Variants in SLF1 observed in about 807,000 individuals in gnomAD.
SLF1 encodes SMC5/6 complex localization factor 1.
In SLF1, 105 loss-of-function variants were observed where a neutral mutation model predicts 123.0. That is an observed-to-expected ratio of 0.85 (90% confidence interval 0.73 to 1.00). The LOEUF is 1.00. Among genes scored for constraint, SLF1 ranks in the 50% least tolerant of loss-of-function variants. The pLI is 0.00. For missense variants in SLF1, 1,239 were observed against 1,223.0 expected (o/e 1.01, Z -0.20); for synonymous variants, 434 against 406.6 (o/e 1.07, Z -0.81).
At chr5:94,637,457 C>CTCAGTA (rs1464473368) in intron 4 of SLF1, among the ~76,000 whole-genome samples, 5 of 152,060 alleles carry the variant, frequency 3.3e-5, no homozygotes, top group Admixed American at 1.3e-4. Context: ...TTGGGCCAGG[C>CTCAGTA]TCAGGGTGTA....
intron 14 of SLF1, among the ~76,000 whole-genome samples, chr5:94,673,159 T>A (rs1177843835): frequency 6.6e-6 from 1 of 152,046 alleles, no homozygotes; most frequent in Non-Finnish European, 1.5e-5. Flanking sequence ...TTTTTTTTTT[T>A]AATCTTTTCT....
intron 5 of SLF1, among the ~76,000 whole-genome samples, chr5:94,647,653 G>A (rs919551485): frequency 3.3e-5 from 5 of 152,064 alleles, no homozygotes; most frequent in East Asian, 1.9e-4. Flanking sequence ...TGCCTAGTAC[G>A]TAAGTTGACA....
chr5:94,634,761 G>C (rs1745566630), intron 4 of SLF1, among the ~76,000 whole-genome samples: 1 of 152,088 alleles, frequency 6.6e-6, no homozygotes, highest in Non-Finnish European at 1.5e-5. Flanking sequence ...TAAGCATTCT[G>C]ACAGAACTGA....
chr5:94,650,215 A>G (rs543832375), intron 6 of SLF1, among the ~76,000 whole-genome samples: 84 of 152,298 alleles, frequency 5.5e-4, no homozygotes, highest in African/African-American at 1.8e-3. Context: ...AAAGCAGTCT[A>G]TTTGGTTAAT....
chr5:94,634,042 T>A (rs1745488462), intron 4 of SLF1, among the ~76,000 whole-genome samples: 1 of 152,230 alleles, frequency 6.6e-6, no homozygotes, highest in Admixed American at 6.5e-5. Context: ...TCAGAGTATT[T>A]TTAAATTTTC....
chr5:94,632,014 G>A (rs1384897701), intron 4 of SLF1, among the ~76,000 whole-genome samples: 1 of 146,544 alleles, frequency 6.8e-6, no homozygotes, highest in Non-Finnish European at 1.5e-5. Context: ...CAGGCTTGGT[G>A]ATGCATGTCC....
At position 94,663,762 on chromosome 5, in the gene SLF1, G is replaced by A. The variant is rs1315335754; in HGVS notation, c.1222G>A (p.Glu408Lys). ...PVYNVEVKNA[E>K]FPRGVLNLIE... ...TTTCCTTTCTTAGGTTAAAAATGCT[G>A]AATTTCCCAGAGGTGTATTAAATTT... is the stretch of plus-strand genomic sequence containing the variant. The change falls in exon 11 of 21, where the codon GAA becomes AAA. Residue 408 changes from glutamate to lysine, a missense_variant. Coordinates refer to ENST00000265140, the MANE Select transcript of SLF1 (RefSeq NM_032290.4). 1 of 1,528,030 alleles carries A rather than the reference G, an allele frequency of 6.5e-7. No individual in the cohort carries two copies. The highest frequency in any genetic ancestry group is 8.8e-7 in the Non-Finnish European group (1 of 1,138,846). 94.7% of individuals were successfully genotyped at this position (1,528,030 alleles called of 1,614,324 possible). A position where few individuals can be genotyped will look rare whatever the true frequency, so the allele number is the denominator to read the frequency against.
At chr5:94,683,403 G>T (rs1404453577) in intron 15 of SLF1, among the ~76,000 whole-genome samples, 1 of 152,032 alleles carries the variant, frequency 6.6e-6, no homozygotes, top group Non-Finnish European at 1.5e-5. Flanking sequence ...GGTCCTTGTG[G>T]TTTTTTTATT....
At chr5:94,666,057 T>G in intron 12 of SLF1, 33 bp downstream of exon 12, 1 of 1,504,712 alleles carries the variant, frequency 6.6e-7, no homozygotes, top group Non-Finnish European at 8.9e-7. Context: ...ATGCTACATT[T>G]CATTGAGTAG....
chr5:94,663,648 T>G, intron 10 of SLF1, 102 bp from the exon 11 acceptor site: 1 of 1,030,252 alleles, frequency 9.7e-7, no homozygotes. Flanking sequence ...CCGTCTCAAA[T>G]GAATGAATGA....
chr5:94,654,769 GA>G lies in SLF1; in HGVS notation c.1155+22del. The stretch of plus-strand genomic sequence containing the variant: ...AGAGCTCAGGTAAAACTTGGCACAT[GA>G]AAAATTTTGTATAATATCGTGTCTT... On this transcript the variant is annotated intron_variant, in intron 9 of 20. Transcript: ENST00000265140. 1 of 1,479,332 alleles carries G rather than the reference GA, an allele frequency of 6.8e-7. No homozygotes were observed. Among genetic ancestry groups the G allele is most frequent in the Non-Finnish European group, 9.0e-7 (1 of 1,115,076 alleles). The allele number at this position is 1,479,332 out of a possible 1,614,324, so 91.6% of individuals were successfully genotyped here. A position where few individuals can be genotyped will look rare whatever the true frequency, so the allele number is the denominator to read the frequency against.
In SLF1 at chr5:94,694,874, C is replaced by G. The variant is rs770231382; in HGVS notation, c.2739C>G (p.Pro913=). 6.2e-7 allele frequency: 1 copy of G among 1,604,330 alleles called. No individual in the cohort carries two copies. The highest frequency in any genetic ancestry group is 1.1e-5 in the South Asian group (1 of 89,048). The change falls in exon 21 of 21, where the codon CCC becomes CCG. Residue 913 remains proline (P), a synonymous_variant. Coordinates refer to ENST00000265140, the MANE Select transcript of SLF1 (RefSeq NM_032290.4). Reference sequence around the variant, plus strand: ...AGAGGAATGCTAAGGGAGAATTGCCCTTGGATTATGTGGTTTCACCTCAAA... The same window carrying G: ...AGAGGAATGCTAAGGGAGAATTGCCGTTGGATTATGTGGTTTCACCTCAAA... The part of the protein sequence containing the change: ...LQQRNAKGEL[P]LDYVVSPQIK...
At chr5:94,652,183 A>G (rs1747820055) in intron 7 of SLF1, among the ~76,000 whole-genome samples, 1 of 151,110 alleles carries the variant, frequency 6.6e-6, no homozygotes, top group Non-Finnish European at 1.5e-5. Context: ...AATTTTTGTA[A>G]TTTTTTCAGT....
At chr5:94,628,971 C>T in intron 2 of SLF1, 47 bp downstream of exon 2, 2 of 1,435,556 alleles carry the variant, frequency 1.4e-6, no homozygotes, top group Non-Finnish European at 1.9e-6. Context: ...AAAATAACTA[C>T]AATTCAAATA....
At chr5:94,652,496 CT>C (rs1420366478) in intron 7 of SLF1, among the ~76,000 whole-genome samples, 2 of 152,046 alleles carry the variant, frequency 1.3e-5, no homozygotes, top group Non-Finnish European at 2.9e-5. Context: ...TTATAGACTT[CT>C]TTTGCTAATG....
chr5:94,636,603 A>G (rs549036582), intron 4 of SLF1, among the ~76,000 whole-genome samples: 10 of 137,256 alleles, frequency 7.3e-5, no homozygotes, highest in African/African-American at 2.2e-4. Flanking sequence ...AAAATTTCCT[A>G]TTTTGTTTTT....
At chr5:94,652,011 TTTC>T (rs1199251517) in intron 7 of SLF1, among the ~76,000 whole-genome samples, 166 bp downstream of exon 7, 1 of 118,850 alleles carries the variant, frequency 8.4e-6, no homozygotes, top group Admixed American at 8.5e-5. Context: ...TATTTTCTTT[TTTC>T]TTTTTTTTTT....
intron 15 of SLF1, among the ~76,000 whole-genome samples, chr5:94,684,367 G>A (rs937342686): frequency 2.6e-5 from 4 of 152,054 alleles, no homozygotes; most frequent in Non-Finnish European, 4.4e-5. Flanking sequence ...GCAAGAGAAC[G>A]GGTTGTAAGT....
chr5:94,641,574 G>A (rs971842059), intron 4 of SLF1, among the ~76,000 whole-genome samples: 3 of 152,136 alleles, frequency 2.0e-5, no homozygotes, highest in African/African-American at 7.2e-5. Flanking sequence ...TTATTATGGG[G>A]ACTGGACTGG....
Sources: gnomAD v4.1 joint callset for allele counts (sites outside exome capture counted in the v4.1 genomes callset) on GRCh38, gnomAD v4.1.1 for gene constraint, MANE v1.5 for transcripts, NCBI Gene and HGNC (gene_info 2026-07-23, HGNC 2026-07-21) for gene names.